ZBTB8B: variants seen among roughly 807,000 people sequenced by gnomAD.
ZBTB8B encodes zinc finger and BTB domain containing 8B, also known as zinc finger and BTB domain-containing protein 8B.
ZBTB8B carries 17 observed loss-of-function variants against 30.3 expected under a neutral mutation model. The observed-to-expected ratio is 0.56, with a 90% CI of 0.38 to 0.84. The LOEUF is 0.84. Among genes scored for constraint, ZBTB8B ranks in the 40% least tolerant of loss-of-function variants. ZBTB8B has a pLI of 0.00. For missense variants in ZBTB8B, 515 were observed against 644.9 expected (o/e 0.80, Z 2.18); for synonymous variants, 248 against 255.6 (o/e 0.97, Z 0.28).
intron 1 of ZBTB8B, among the ~76,000 whole-genome samples, chr1:32,466,472 G>A (rs914540234): frequency 6.6e-6 from 1 of 152,192 alleles, no homozygotes; most frequent in African/African-American, 2.4e-5. Context: ...TCTGAGAGCA[G>A]TCTGCCCTAA....
rs2148191053 is a variant in ZBTB8B, at chr1:32,496,256, G to T, written c.*10838G>T. The T allele has an allele frequency of 6.6e-6, 1 of 152,276 alleles. No individual in the cohort carries two copies. The highest frequency in any genetic ancestry group is 6.5e-5 in the Admixed American group (1 of 15,288). The allele number at this position is 152,276 out of a possible 1,614,324, so 9.4% of individuals were successfully genotyped here. ...ACTGTCTGATGAATGGGTAATTGAT[G>T]ATGCAATGTATGAAAAAAGTAAGGC... On this transcript the variant is annotated 3_prime_UTR_variant, in exon 4 of 4. Coordinates refer to ENST00000609129, the MANE Select transcript of ZBTB8B (RefSeq NM_001145720.2).
chr1:32,481,058 C>T lies in ZBTB8B; in HGVS notation c.1159C>T (p.His387Tyr). The change falls in exon 3 of 4, where the codon CAC becomes TAC. Residue 387 changes from histidine to tyrosine, a missense_variant. Coordinates refer to ENST00000609129, the MANE Select transcript of ZBTB8B (RefSeq NM_001145720.2). ...CACTCGACAAGAGCACCTGCGGAGC[C>T]ACGCACTGAGTGTAAGTGTTCGAGC... ...RFTRQEHLRS[H>Y]ALSVHRSNRP... The T allele has an allele frequency of 6.4e-7, 1 of 1,551,338 alleles. No individual in the cohort carries two copies. Among genetic ancestry groups the T allele is most frequent in the Non-Finnish European group, 8.7e-7 (1 of 1,146,738 alleles).
At chr1:32,479,249 G>C (rs990727223) in intron 2 of ZBTB8B, among the ~76,000 whole-genome samples, 2 of 152,224 alleles carry the variant, frequency 1.3e-5, no homozygotes, top group African/African-American at 4.8e-5. Context: ...CTCGGGCCGG[G>C]CATGGTGGCT....
Position 32,495,316 on chromosome 1 carries a change from T to C in ZBTB8B, c.*9898T>C, listed in dbSNP as rs1570269754. The C allele has an allele frequency of 6.6e-6, 1 of 152,184 alleles. No homozygotes were observed. Among genetic ancestry groups the C allele is most frequent in the Non-Finnish European group, 1.5e-5 (1 of 68,022 alleles). 9.4% of individuals were successfully genotyped at this position (152,184 alleles called of 1,614,324 possible). On this transcript the variant is annotated 3_prime_UTR_variant, in exon 4 of 4. Transcript: ENST00000609129. Reference sequence around the variant, plus strand: ...AAGGGCTGCAATTATATATAAGAATTATTAGAAAAACAGATTAGCCACTTA... The same window carrying C: ...AAGGGCTGCAATTATATATAAGAATCATTAGAAAAACAGATTAGCCACTTA...
At position 32,487,810 on chromosome 1, in the gene ZBTB8B, C is replaced by T. The variant is rs1301952473; in HGVS notation, c.*2392C>T. On this transcript the variant is annotated 3_prime_UTR_variant, in exon 4 of 4. Transcript: ENST00000609129. ...CTGGAATCGTGCCACTCCACTCCAG[C>T]CTGGGCAACAGTGTGAGACCTTGTC... The T allele has an allele frequency of 6.6e-6, 1 of 152,022 alleles. No individual in the cohort carries two copies. Among genetic ancestry groups the T allele is most frequent in the Non-Finnish European group, 1.5e-5 (1 of 68,034 alleles). 9.4% of individuals were successfully genotyped at this position (152,022 alleles called of 1,614,324 possible).
chr1:32,468,984 G>C (rs1288855836), intron 1 of ZBTB8B, among the ~76,000 whole-genome samples: 1 of 152,032 alleles, frequency 6.6e-6, no homozygotes, highest in Non-Finnish European at 1.5e-5. Flanking sequence ...GAGGCAAAGA[G>C]CTTGAGACCA....
chr1:32,470,356 C>T (rs1310813769), intron 1 of ZBTB8B, among the ~76,000 whole-genome samples: 4 of 151,782 alleles, frequency 2.6e-5, no homozygotes, highest in East Asian at 1.9e-4. Flanking sequence ...AAAAATTTGC[C>T]GGGCGTGGTG....
Position 32,470,688 on chromosome 1 carries a change from T to A in ZBTB8B, c.64T>A (p.Phe22Ile). The change falls in exon 2 of 4, where the codon TTT (phenylalanine) becomes ATT (isoleucine). Residue 22 changes from phenylalanine (F) to isoleucine (I), a missense_variant. By Grantham distance (21) the Phe-to-Ile change is conservative. Coordinates refer to ENST00000609129, the MANE Select transcript of ZBTB8B (RefSeq NM_001145720.2). ...GCTGAATGAACAGAGAAAGAGGGAC[T>A]TTTTCTGTGACTGCAGCATCATTGT... ...GELNEQRKRD[F>I]FCDCSIIVEG... 4 of 1,551,668 alleles carry A rather than the reference T, an allele frequency of 2.6e-6. No individual in the cohort carries two copies. Among genetic ancestry groups the A allele is most frequent in the South Asian group, 2.4e-5 (2 of 84,062 alleles).
chr1:32,485,414 C>G lies in ZBTB8B; in HGVS notation c.1484C>G (p.Thr495Arg). 3.9e-6 allele frequency: 6 copies of G among 1,547,162 alleles called. No homozygotes were observed. The highest frequency in any genetic ancestry group is 5.2e-6 in the Non-Finnish European group (6 of 1,143,062). Residue 495 changes from threonine to arginine, a missense_variant, in exon 4 of 4, where the codon ACG (threonine) becomes AGG (arginine). Around this residue, in one of 3 missense-constraint regions of ZBTB8B, gnomAD observed 429 missense variants for 504.3 expected, o/e 0.85. Coordinates refer to ENST00000609129, the MANE Select transcript of ZBTB8B (RefSeq NM_001145720.2). ...AACTTATCAGACCGAGAGACACTTA[C>G]GTAGCAATAAATTGGTGGGGAAGAG... is the stretch of plus-strand genomic sequence containing the variant. ...QPNLSDRETLT is the reference protein window; with the variant it reads ...QPNLSDRETLR
intron 1 of ZBTB8B, among the ~76,000 whole-genome samples, chr1:32,466,981 C>G (rs1157491379): frequency 6.6e-6 from 1 of 151,974 alleles, no homozygotes; most frequent in Non-Finnish European, 1.5e-5. Flanking sequence ...AGTGAGACCC[C>G]ATCTCTACAA....
intron 2 of ZBTB8B, among the ~76,000 whole-genome samples, chr1:32,476,601 G>A (rs965120852): frequency 5.9e-5 from 9 of 152,014 alleles, no homozygotes; most frequent in Non-Finnish European, 1.5e-5. Context: ...ATCTGGCCAT[G>A]AAAGTTTGAC....
intron 3 of ZBTB8B, among the ~76,000 whole-genome samples, chr1:32,481,892 GATA>G (rs1329914225): frequency 2.6e-5 from 4 of 152,150 alleles, no homozygotes; most frequent in Non-Finnish European, 4.4e-5. Flanking sequence ...GTTTGCTGAG[GATA>G]ATAGCCTCCA....
intron 1 of ZBTB8B, among the ~76,000 whole-genome samples, chr1:32,467,449 T>C (rs536931821): frequency 2.6e-5 from 4 of 152,112 alleles, no homozygotes; most frequent in African/African-American, 9.6e-5. Context: ...AGACGGGGTT[T>C]CACTACGTTG....
intron 1 of ZBTB8B, among the ~76,000 whole-genome samples, chr1:32,469,544 C>T (rs182068638): frequency 8.5e-5 from 13 of 152,166 alleles, no homozygotes; most frequent in African/African-American, 3.1e-4. Context: ...TGTGAGCCAC[C>T]GTGCCTGGCC....
intron 1 of ZBTB8B, among the ~76,000 whole-genome samples, chr1:32,467,422 T>G (rs1643579913): frequency 6.6e-6 from 1 of 151,882 alleles, no homozygotes; most frequent in Non-Finnish European, 1.5e-5. Flanking sequence ...CAGCTAATTT[T>G]TTTGTATTTT....
Position 32,471,117 on chromosome 1 carries a change from C to T in ZBTB8B, c.493C>T (p.Arg165Trp), listed in dbSNP as rs1366512211. ...QVDSESPSSG[R>W]EGTSCGTKSL... ...TGACAGTGAAAGCCCCAGTTCAGGC[C>T]GGGAGGGGACCTCCTGTGGTACCAA... The change falls in exon 2 of 4, where the codon CGG (arginine) becomes TGG (tryptophan). Residue 165 changes from arginine to tryptophan, a missense_variant. Arg to Trp is a moderately radical substitution (Grantham distance 101). Transcript: ENST00000609129. The T allele has an allele frequency of 8.4e-6, 13 of 1,551,456 alleles. No individual in the cohort carries two copies. Among genetic ancestry groups the T allele is most frequent in the African/African-American group, 1.4e-5 (1 of 73,028 alleles).
At chr1:32,483,964 C>T (rs767153129) in intron 3 of ZBTB8B, among the ~76,000 whole-genome samples, 1 of 151,788 alleles carries the variant, frequency 6.6e-6, no homozygotes, top group Admixed American at 6.6e-5. Context: ...CAACACCTTA[C>T]GAGGCCAAGG....
chr1:32,467,879 G>A (rs1159293126), intron 1 of ZBTB8B, among the ~76,000 whole-genome samples: 3 of 151,886 alleles, frequency 2.0e-5, no homozygotes, highest in African/African-American at 7.3e-5. Flanking sequence ...TTAGGAGGCT[G>A]AGGGGGGCAG....
chr1:32,469,817 A>G (rs1643602220), intron 1 of ZBTB8B, among the ~76,000 whole-genome samples: 2 of 152,176 alleles, frequency 1.3e-5, no homozygotes, highest in South Asian at 2.1e-4. Context: ...GCAATTAGCT[A>G]TAGTTATTTT....
Sources: allele counts gnomAD v4.1 joint callset (sites outside exome capture counted in the v4.1 genomes callset), GRCh38; gene constraint gnomAD v4.1.1; regional missense constraint gnomAD v4.1.1; transcripts MANE v1.5; gene names NCBI Gene and HGNC (gene_info 2026-07-23, HGNC 2026-07-21).